Variants in ZNF276 observed in about 807,000 individuals in gnomAD.
ZNF276 encodes the protein zinc finger protein 276.
ZNF276 carries 59 observed loss-of-function variants against 63.9 expected under a neutral mutation model. The observed-to-expected ratio is 0.92, with a 90% CI of 0.75 to 1.15. The LOEUF (loss-of-function observed/expected upper bound fraction) is 1.15. Among genes scored for constraint, ZNF276 ranks in the 50% most tolerant of loss-of-function variants. ZNF276 has a pLI of 0.00. For synonymous variants in ZNF276, 496 were observed against 348.4 expected, an observed-to-expected ratio of 1.42 and a Z score of -4.72; for missense variants, 1,084 against 843.8, an observed-to-expected ratio of 1.28 and a Z score of -3.53.
chr16:89,725,689 G>A (rs1445241603), intron 4 of ZNF276, among the ~76,000 whole-genome samples: 3 of 152,080 alleles, frequency 2.0e-5, no homozygotes, highest in Non-Finnish European at 4.4e-5. Flanking sequence ...TACTTGGGAG[G>A]CTGAGGCAGG....
At chr16:89,729,644 G>C (rs1332697193) in intron 6 of ZNF276, among the ~76,000 whole-genome samples, 5 of 152,114 alleles carry the variant, frequency 3.3e-5, no homozygotes, top group African/African-American at 1.2e-4. Context: ...CGTCCCTTCT[G>C]CCGGTCCTGC....
upstream of ZNF276, chr16:89,721,394 C>G (rs929413396): frequency 7.8e-6 from 3 of 386,054 alleles, no homozygotes; most frequent in Non-Finnish European, 9.2e-6. Flanking sequence ...CAGAGGCGGG[C>G]ACGGCCGCCC....
At chr16:89,720,863 G>A, upstream of ZNF276, 5 of 1,384,658 alleles carry the variant, frequency 3.6e-6, no homozygotes, top group Non-Finnish European at 3.8e-6. Context: ...AGCGGCCATG[G>A]CGCCGAGCGG....
At chr16:89,725,506 T>C (rs2061441603) in intron 4 of ZNF276, among the ~76,000 whole-genome samples, 1 of 146,238 alleles carries the variant, frequency 6.8e-6, no homozygotes, top group Non-Finnish European at 1.5e-5. Context: ...TAAAACTTAT[T>C]TTAGGCCAAG....
intron 4 of ZNF276, among the ~76,000 whole-genome samples, chr16:89,725,275 C>G (rs1383588100): frequency 1.3e-5 from 2 of 149,942 alleles, no homozygotes; most frequent in Non-Finnish European, 3.0e-5. Flanking sequence ...TCTCGAACTC[C>G]TGACCTCGTG....
rs917010763 is a variant in ZNF276, at chr16:89,739,504, G to A, written c.*1258G>A. ...TGTAAAAAGCGAAAGGCAGCAGCCT[G>A]GTGTGCTGATCCGGGGCCACACGGA... is the stretch of plus-strand genomic sequence containing the variant. On this transcript the variant is annotated 3_prime_UTR_variant, in exon 11 of 11. Transcript: ENST00000443381. 1 of 1,551,436 alleles carries A rather than the reference G, an allele frequency of 6.4e-7. No individual in the cohort carries two copies. Among genetic ancestry groups the A allele is most frequent in the African/African-American group, 1.4e-5 (1 of 73,184 alleles).
At position 89,733,307 on chromosome 16, in the gene ZNF276, C is replaced by G. The variant is rs758999109; in HGVS notation, c.1175C>G (p.Ser392Cys). The change falls in exon 7 of 11, where the codon TCT becomes TGT. Residue 392 changes from serine to cysteine, a missense_variant. Ser to Cys is a moderately radical substitution (Grantham distance 112, BLOSUM62 -1). Coordinates refer to ENST00000443381, the MANE Select transcript of ZNF276 (RefSeq NM_001113525.2). ...SFEPYPERKVSGKKSESKEAK... is the reference protein window; with the variant it reads ...SFEPYPERKVCGKKSESKEAK... The stretch of plus-strand genomic sequence containing the variant: ...TGGGAACCTCTTTTTTTCAGAGTCT[C>G]TGGTAAGAAGAGTGAAAGCAAAGAA... The G allele has an allele frequency of 1.2e-6, 2 of 1,612,994 alleles. No homozygotes were observed. Among genetic ancestry groups the G allele is most frequent in the South Asian group, 2.2e-5 (2 of 91,032 alleles).
chr16:89,722,978 G>A lies in ZNF276; in HGVS notation c.509+144G>A, dbSNP rs2061348931. On this transcript the variant is annotated intron_variant, in intron 2 of 10. Coordinates refer to ENST00000443381, the MANE Select transcript of ZNF276 (RefSeq NM_001113525.2). The stretch of plus-strand genomic sequence containing the variant: ...CCGGGTTCAGTGCCAACAGCCCTGG[G>A]ACTGTTGTGGAGAGATGAACTGGGA... 6 of 1,567,862 alleles carry A rather than the reference G, an allele frequency of 3.8e-6. No individual in the cohort carries two copies. The Admixed American group carries it at 8.9e-5, about 23-fold the overall frequency.
At chr16:89,734,067 G>T in intron 9 of ZNF276, 29 bp downstream of exon 9, 1 of 1,603,944 alleles carries the variant, frequency 6.2e-7, no homozygotes. Context: ...TCGCCCACGC[G>T]GGTGACAGCC....
chr16:89,734,050 G>T lies in ZNF276; in HGVS notation c.1474+12G>T. The stretch of plus-strand genomic sequence containing the variant: ...GCTCATCCACACAGGTACGCCTATC[G>T]CCAGTGTCGCCCACGCGGGTGACAG... On this transcript the variant is annotated intron_variant, in intron 9 of 10. Transcript: ENST00000443381. 5.0e-6 allele frequency: 8 copies of T among 1,611,602 alleles called. No homozygotes were observed. Among genetic ancestry groups the T allele is most frequent in the Non-Finnish European group, 6.8e-6 (8 of 1,178,130 alleles).
chr16:89,740,760 C>G lies in ZNF276; in HGVS notation c.*2514C>G. The G allele has an allele frequency of 6.3e-7, 1 of 1,575,840 alleles. No individual in the cohort carries two copies. Among genetic ancestry groups the G allele is most frequent in the Non-Finnish European group, 8.7e-7 (1 of 1,147,720 alleles). On this transcript the variant is annotated 3_prime_UTR_variant, in exon 11 of 11. Transcript: ENST00000443381. ...CTGGCTGCCTGGTGCCCCTGCCTGGCCCACAGTGGGAGAGGACACCTTGGC... is the reference window on the plus strand; with the variant it reads ...CTGGCTGCCTGGTGCCCCTGCCTGGGCCACAGTGGGAGAGGACACCTTGGC...
rs184811525 is a variant in ZNF276, at chr16:89,723,511, C to A, written c.808C>A (p.Arg270=). 2.5e-6 allele frequency: 4 copies of A among 1,612,872 alleles called. No homozygotes were observed. The South Asian group carries it at 4.4e-5, about 18-fold the overall frequency. The change falls in exon 4 of 11, where the codon CGG becomes AGG. Residue 270 remains arginine (R), a synonymous_variant. Transcript: ENST00000443381. ...GCCATGGGACAAAGAGACGGCGCCA[C>A]GGCTGCCCCAGCACCGAGGGTGGAA... ...KWPWDKETAP[R]LPQHRGWNPG...
intron 6 of ZNF276, chr16:89,732,940 C>T (rs923999580): frequency 5.8e-6 from 2 of 343,064 alleles, no homozygotes; most frequent in Non-Finnish European, 1.1e-5. Context: ...CTGTACCCTG[C>T]GCCCTCATCC....
At position 89,738,956 on chromosome 16, in the gene ZNF276, T is replaced by G; in HGVS notation, c.*710T>G. On this transcript the variant is annotated 3_prime_UTR_variant, in exon 11 of 11. Coordinates refer to ENST00000443381, the MANE Select transcript of ZNF276 (RefSeq NM_001113525.2). Reference sequence around the variant, plus strand: ...AGCAGAAAAAGACGAGCTTTTGTTATCAGTTCCACGGGGTTGCCCTAGAGA... The same window carrying G: ...AGCAGAAAAAGACGAGCTTTTGTTAGCAGTTCCACGGGGTTGCCCTAGAGA... 3 of 1,614,250 alleles carry G rather than the reference T, an allele frequency of 1.9e-6. No individual in the cohort carries two copies. Among genetic ancestry groups the G allele is most frequent in the Non-Finnish European group, 2.5e-6 (3 of 1,180,050 alleles).
intron 9 of ZNF276, 53 bp downstream of exon 9, chr16:89,734,091 C>T (rs2061768773): frequency 1.3e-6 from 2 of 1,558,088 alleles, no homozygotes; most frequent in Non-Finnish European, 1.8e-6. Context: ...GGCACGTGAC[C>T]TGCTTTCCAG....
In ZNF276 at chr16:89,739,610, C is replaced by G; in HGVS notation, c.*1364C>G. ...TGGACATCTCTGCCTATTATCAGTG[C>G]TGGGGACACCCCTGGGGGTCGGGAC... On this transcript the variant is annotated 3_prime_UTR_variant, in exon 11 of 11. Coordinates refer to ENST00000443381, the MANE Select transcript of ZNF276 (RefSeq NM_001113525.2). 6.5e-7 allele frequency: 1 copy of G among 1,535,824 alleles called. No homozygotes were observed. The highest frequency in any genetic ancestry group is 8.8e-7 in the Non-Finnish European group (1 of 1,133,516).
chr16:89,733,791 A>G, intron 8 of ZNF276, 130 bp from the exon 9 acceptor site: 1 of 927,442 alleles, frequency 1.1e-6, no homozygotes, highest in East Asian at 2.4e-5. Context: ...GAAGCTGTGA[A>G]GGAGCCAGTG....
chr16:89,738,303 G>T lies in ZNF276; in HGVS notation c.*57G>T. 3.3e-6 allele frequency: 5 copies of T among 1,534,336 alleles called. No individual in the cohort carries two copies. The highest frequency in any genetic ancestry group is 4.4e-6 in the Non-Finnish European group (5 of 1,141,376). ...CCTGGACTCCGCAGTGGCTGTGTCA[G>T]CCTCACCCTTCGTGTGCACCCGCAT... On this transcript the variant is annotated 3_prime_UTR_variant, in exon 11 of 11. Transcript: ENST00000443381.
intron 4 of ZNF276, 91 bp downstream of exon 4, chr16:89,723,800 T>TAAG: frequency 7.7e-7 from 1 of 1,306,836 alleles, no homozygotes; most frequent in Admixed American, 2.4e-5. Context: ...TCCACTGCTC[T>TAAG]AGGTGGTGGC....
Sources: allele counts gnomAD v4.1 joint callset (sites outside exome capture counted in the v4.1 genomes callset), GRCh38; gene constraint gnomAD v4.1.1; transcripts MANE v1.5; gene names NCBI Gene and HGNC (gene_info 2026-07-23, HGNC 2026-07-21).